Variants in LARGE1 observed in about 807,000 individuals in gnomAD.
LARGE1 encodes the protein LARGE xylosyl- and glucuronyltransferase 1, also known as xylosyl- and glucuronyltransferase LARGE1.
Under a neutral mutation model 87.6 loss-of-function variants are expected in LARGE1, and 43 were observed. The ratio of observed to expected loss-of-function variants is 0.49; its 90% CI spans 0.38 to 0.63. LARGE1 has a LOEUF of 0.63. Ranked by LOEUF, LARGE1 falls within the 30% of genes least tolerant of loss-of-function variation. The pLI, the probability that LARGE1 is intolerant of heterozygous loss-of-function variation, is 0.00. For missense variants in LARGE1, 802 were observed against 1,000.2 expected (o/e 0.80, Z 2.67); for synonymous variants, 434 against 394.6 (o/e 1.10, Z -1.18).
At chr22:33,278,943 C>T (rs1369035313) in intron 13 of LARGE1, among the ~76,000 whole-genome samples, 3 of 152,170 alleles carry the variant, frequency 2.0e-5, no homozygotes, top group African/African-American at 2.4e-5. Context: ...TGGTCTCCAT[C>T]TCTTGACCTC....
At chr22:33,680,212 C>T (rs5994787) in intron 2 of LARGE1, among the ~76,000 whole-genome samples, 3,325 of 152,204 alleles carry the variant, frequency 0.022, 118 homozygotes, top group African/African-American at 0.075. Context: ...GAGAAGTAAG[C>T]GAGATGGTCC....
upstream of LARGE1, among the ~76,000 whole-genome samples, chr22:33,920,842 G>C (rs189581879): frequency 0.069 from 9,965 of 144,994 alleles, 464 homozygotes; most frequent in East Asian, 0.26. Flanking sequence ...GCGGGCAGCC[G>C]GGCGCCGCTG....
the LARGE1 span, among the ~76,000 whole-genome samples, chr22:33,154,509 G>C: frequency 6.6e-6 from 1 of 152,146 alleles, no homozygotes; most frequent in Admixed American, 6.5e-5. Context: ...TAAAGTGTTA[G>C]GATTACAGGT....
chr22:33,901,241 G>T (rs532732285), intron 1 of LARGE1, among the ~76,000 whole-genome samples: 1 of 152,228 alleles, frequency 6.6e-6, no homozygotes, highest in Non-Finnish European at 1.5e-5. Context: ...ACTGGAGAGG[G>T]AGTGTGGTCC....
intron 2 of LARGE1, chr22:33,744,254 A>C (rs2083996875): frequency 6.6e-6 from 1 of 152,346 alleles, no homozygotes; most frequent in South Asian, 2.1e-4. Flanking sequence ...ACTTTCAAAT[A>C]CATCTGTGAG....
In LARGE1 at chr22:33,179,743, C is replaced by G. The variant is rs550008100; in HGVS notation, c.1731-12911G>C. On this transcript the variant is annotated intron_variant, in intron 11 of 11. Coordinates refer to the LARGE1 transcript ENST00000608642. The stretch of plus-strand genomic sequence containing the variant: ...ATTCAGTTAGACTAGCAACTGCCAG[C>G]AGACTCCTTATTATGGAAAGGGTGG... Among the ~76,000 whole-genome samples, 18 of 152,310 alleles carry G rather than the reference C, an allele frequency of 1.2e-4. No homozygotes were observed. The South Asian group carries it at 3.7e-3, about 32-fold the overall frequency.
At chr22:33,402,234 G>C (rs2065948372) in intron 7 of LARGE1, among the ~76,000 whole-genome samples, 1 of 152,144 alleles carries the variant, frequency 6.6e-6, no homozygotes, top group Admixed American at 6.5e-5. Context: ...TGTGATGAAT[G>C]AAAGAGCCAT....
At chr22:33,334,809 G>A (rs1938234629) in intron 10 of LARGE1, among the ~76,000 whole-genome samples, 1 of 152,220 alleles carries the variant, frequency 6.6e-6, no homozygotes. Flanking sequence ...ACATACAGGG[G>A]TGGGCTCAGT....
At chr22:33,806,756 A>C (rs1245143276) in intron 1 of LARGE1, among the ~76,000 whole-genome samples, 1 of 152,196 alleles carries the variant, frequency 6.6e-6, no homozygotes, top group Admixed American at 6.5e-5. Context: ...TCATGCCTGT[A>C]ATCTCAGCGC....
At chr22:33,459,592 G>A (rs530591626) in intron 6 of LARGE1, among the ~76,000 whole-genome samples, 3 of 152,050 alleles carry the variant, frequency 2.0e-5, no homozygotes, top group Non-Finnish European at 2.9e-5. Flanking sequence ...AGCCCAGACA[G>A]CCCAATTCAT....
intron 6 of LARGE1, among the ~76,000 whole-genome samples, chr22:33,544,024 C>A (rs2077285399): frequency 6.6e-6 from 1 of 152,208 alleles, no homozygotes; most frequent in Non-Finnish European, 1.5e-5. Flanking sequence ...ACATAACCAG[C>A]CCCCAATAAA....
intron 6 of LARGE1, among the ~76,000 whole-genome samples, chr22:33,512,376 C>G (rs2071095114): frequency 6.6e-6 from 1 of 151,958 alleles, no homozygotes; most frequent in Non-Finnish European, 1.5e-5. Context: ...GGAACATTAC[C>G]CAGTCAATGA....
intron 11 of LARGE1, among the ~76,000 whole-genome samples, chr22:33,266,227 T>C (rs1468370265): frequency 6.8e-6 from 1 of 146,230 alleles, no homozygotes; most frequent in Non-Finnish European, 1.5e-5. Flanking sequence ...GGCTTTTTTT[T>C]TTTTTTTTTT....
chr22:33,853,153 A>G (rs547637735), intron 1 of LARGE1, among the ~76,000 whole-genome samples: 1 of 152,142 alleles, frequency 6.6e-6, no homozygotes, highest in African/African-American at 2.4e-5. Flanking sequence ...ACAACTGAGA[A>G]CTAGAGAGGT....
At chr22:33,705,571 T>C (rs2082537245) in intron 2 of LARGE1, among the ~76,000 whole-genome samples, 1 of 152,196 alleles carries the variant, frequency 6.6e-6, no homozygotes, top group Non-Finnish European at 1.5e-5. Context: ...GAAAGTGAAG[T>C]TATGGAAAGC....
chr22:33,467,907 A>G (rs2068680927), intron 6 of LARGE1, among the ~76,000 whole-genome samples: 1 of 152,186 alleles, frequency 6.6e-6, no homozygotes, highest in Non-Finnish European at 1.5e-5. Context: ...CTTAGATGCC[A>G]GTGGAGTGCC....
chr22:33,511,853 T>C (rs566981115), intron 6 of LARGE1, among the ~76,000 whole-genome samples: 1 of 152,348 alleles, frequency 6.6e-6, no homozygotes, highest in Non-Finnish European at 1.5e-5. Flanking sequence ...CAGCCAGAGA[T>C]GGCTTTTGTC....
At chr22:33,414,222 T>C (rs969694437) in intron 7 of LARGE1, among the ~76,000 whole-genome samples, 1 of 152,198 alleles carries the variant, frequency 6.6e-6, no homozygotes, top group Non-Finnish European at 1.5e-5. Flanking sequence ...AAGTACATAA[T>C]ACTGCATGAT....
intron 3 of LARGE1, among the ~76,000 whole-genome samples, chr22:33,642,159 GC>G (rs1433990749): frequency 6.6e-6 from 1 of 152,172 alleles, no homozygotes; most frequent in East Asian, 1.9e-4. Context: ...ATGGAGGGAA[GC>G]CCATCACACT....
Sources: gnomAD v4.1 joint callset for allele counts (sites outside exome capture counted in the v4.1 genomes callset) on GRCh38, gnomAD v4.1.1 for gene constraint, MANE v1.5 for transcripts, NCBI Gene and HGNC (gene_info 2026-07-23, HGNC 2026-07-21) for gene names.